The following SYNJ1 variants were observed in gnomAD, a reference collection of about 807,000 sequenced individuals.
SYNJ1 encodes the protein polyphosphatidylinositol phosphatase SYNJ1.
In SYNJ1, 78 loss-of-function variants were observed where a neutral mutation model predicts 168.2. That is an observed-to-expected ratio of 0.46 (90% CI 0.39 to 0.56). The LOEUF is 0.56. Among genes scored for constraint, SYNJ1 ranks in the 20% least tolerant of loss-of-function variants. The probability of loss-of-function intolerance (pLI) is 0.00; values close to 1 mark genes in which losing one functional copy is unlikely to be tolerated. For synonymous variants in SYNJ1, 539 were observed against 548.6 expected (o/e 0.98, Z 0.24); for missense variants, 1,303 against 1,597.6 (o/e 0.82, Z 3.14).
At chr21:32,727,308 C>T (rs367897607) in intron 1 of SYNJ1, among the ~76,000 whole-genome samples, 46 of 152,258 alleles carry the variant, frequency 3.0e-4, no homozygotes, top group African/African-American at 1.1e-3. Flanking sequence ...AAACTTCAAG[C>T]AGTTCCTTCG....
chr21:32,720,240 T>C (rs1042924594), intron 2 of SYNJ1, among the ~76,000 whole-genome samples: 11 of 152,010 alleles, frequency 7.2e-5, no homozygotes, highest in Non-Finnish European at 1.5e-4. Context: ...ACTCTCCCTC[T>C]CAAAAACAAA....
chr21:32,643,012 G>A (rs941186235), intron 27 of SYNJ1, among the ~76,000 whole-genome samples: 6 of 151,978 alleles, frequency 3.9e-5, no homozygotes, highest in African/African-American at 9.7e-5. Context: ...TATATTCTTG[G>A]ATCTGAATTA....
intron 31 of SYNJ1, among the ~76,000 whole-genome samples, chr21:32,636,719 G>A (rs1026196083): frequency 6.6e-5 from 10 of 151,828 alleles, no homozygotes; most frequent in Non-Finnish European, 1.5e-4. Context: ...CCCCAGCATT[G>A]GGCATTCCCT....
At chr21:32,690,169 C>G (rs998051433) in intron 6 of SYNJ1, among the ~76,000 whole-genome samples, 1 of 152,206 alleles carries the variant, frequency 6.6e-6, no homozygotes, top group African/African-American at 2.4e-5. Context: ...CTATGTATCA[C>G]AGCTCTCATA....
intron 2 of SYNJ1, among the ~76,000 whole-genome samples, chr21:32,708,416 G>C (rs553668945): frequency 3.3e-5 from 5 of 152,258 alleles, no homozygotes; most frequent in East Asian, 1.9e-4. Context: ...TCCTATTCAT[G>C]GTGGTTATTA....
At chr21:32,672,529 G>A (rs1346630689) in intron 14 of SYNJ1, among the ~76,000 whole-genome samples, 2 of 151,722 alleles carry the variant, frequency 1.3e-5, no homozygotes, top group Admixed American at 6.6e-5. Context: ...TAGTAGAGAC[G>A]GAGTTTCACC....
intron 13 of SYNJ1, among the ~76,000 whole-genome samples, chr21:32,674,226 CA>C (rs1221513412): frequency 1.3e-5 from 2 of 152,210 alleles, no homozygotes; most frequent in East Asian, 3.9e-4. Flanking sequence ...GTTTCAAAAA[CA>C]TATGAGGCCT....
At position 32,654,522 on chromosome 21, in the gene SYNJ1, C is replaced by T. The variant is rs181179930; in HGVS notation, c.2796-1156G>A. On this transcript the variant is annotated intron_variant, in intron 21 of 32. Coordinates refer to ENST00000674351, the MANE Select transcript of SYNJ1 (RefSeq NM_203446.3). ...GGTTATAATCACCACTGTAAGCATA[C>T]ATTTATGCTGCACCAGTCCCCTAAG... Among the ~76,000 whole-genome samples the T allele has an allele frequency of 7.6e-4, 116 of 152,288 alleles. 1 individual carries two copies. The highest frequency in any genetic ancestry group is 2.1e-4 in the South Asian group (1 of 4,826).
chr21:32,686,068 T>A (rs1032666444), intron 8 of SYNJ1, 151 bp from the exon 9 acceptor site: 13 of 699,762 alleles, frequency 1.9e-5, no homozygotes, highest in Non-Finnish European at 2.7e-5. Context: ...ACAATTAACA[T>A]CAGTGTACTT....
rs546393135 is a variant in SYNJ1 at position 32,658,806 on chromosome 21, C to T, written c.2305-934G>A. 8.1e-4 allele frequency among the ~76,000 whole-genome samples: 124 copies of T among 152,306 alleles called. 3 individuals are homozygous for T. The South Asian group carries it at 0.023, about 28-fold the overall frequency. On this transcript the variant is annotated intron_variant, in intron 18 of 32. Coordinates refer to ENST00000674351, the MANE Select transcript of SYNJ1 (RefSeq NM_203446.3). ...TGGGTCAAGTGAGCAGAGTTCGCCC[C>T]GCCAGTGCCCATGCACTCCAGTTCC... is the stretch of plus-strand genomic sequence containing the variant.
chr21:32,633,487 G>A (rs2039432174), intron 32 of SYNJ1, among the ~76,000 whole-genome samples: 1 of 152,106 alleles, frequency 6.6e-6, no homozygotes, highest in South Asian at 2.1e-4. Context: ...TAGATGACTT[G>A]GACACTTATG....
intron 10 of SYNJ1, among the ~76,000 whole-genome samples, chr21:32,682,080 G>A (rs1013391707): frequency 3.9e-5 from 6 of 152,068 alleles, no homozygotes; most frequent in African/African-American, 1.4e-4. Flanking sequence ...ATGAAAAAAA[G>A]GAGTTGCTCT....
chr21:32,694,164 C>A, intron 6 of SYNJ1, 64 bp downstream of exon 6: 1 of 1,176,354 alleles, frequency 8.5e-7, no homozygotes, highest in African/African-American at 1.6e-5. Context: ...ATAAACTATC[C>A]AGAAAGTTTA....
intron 2 of SYNJ1, among the ~76,000 whole-genome samples, chr21:32,702,498 T>G (rs1291337457): frequency 6.6e-6 from 1 of 152,172 alleles, no homozygotes. Context: ...CAGAATAATT[T>G]TCCTAAGACA....
At chr21:32,682,058 A>C (rs910687836) in intron 10 of SYNJ1, among the ~76,000 whole-genome samples, 4 of 152,174 alleles carry the variant, frequency 2.6e-5, no homozygotes, top group African/African-American at 9.7e-5. Flanking sequence ...TTAAGTAATT[A>C]AGGTAAAAAA....
rs1367240826 is a variant in SYNJ1 at position 32,634,899 on chromosome 21, A to G, written c.3916-15T>C. On this transcript the variant is annotated splice_polypyrimidine_tract_variant and intron_variant, in intron 31 of 32. Transcript: ENST00000674351. ...GGTTGCTCCTGCTTTGAGAAAGGAAACAGACATCAAAGGAAAGAGTTAGGA... is the reference window on the plus strand; with the variant it reads ...GGTTGCTCCTGCTTTGAGAAAGGAAGCAGACATCAAAGGAAAGAGTTAGGA... The G allele has an allele frequency of 1.2e-6, 2 of 1,613,748 alleles. No individual in the cohort carries two copies. The highest frequency in any genetic ancestry group is 8.5e-7 in the Non-Finnish European group (1 of 1,179,866).
intron 30 of SYNJ1, among the ~76,000 whole-genome samples, chr21:32,639,423 G>A (rs1282282573): frequency 6.6e-6 from 1 of 152,044 alleles, no homozygotes; most frequent in Non-Finnish European, 1.5e-5. Flanking sequence ...ACAGGGTCTT[G>A]TTCTTTTGCC....
At chr21:32,662,731 G>A (rs757749795) in intron 18 of SYNJ1, among the ~76,000 whole-genome samples, 8 of 152,186 alleles carry the variant, frequency 5.3e-5, no homozygotes, top group Non-Finnish European at 8.8e-5. Flanking sequence ...TTAGGACTGT[G>A]TGGAAATCAA....
chr21:32,674,903 T>C (rs1454204145), intron 13 of SYNJ1, among the ~76,000 whole-genome samples: 3 of 152,204 alleles, frequency 2.0e-5, no homozygotes, highest in Non-Finnish European at 1.5e-5. Context: ...CTTGTAAAGA[T>C]AATTTTGACC....
Sources: allele counts gnomAD v4.1 joint callset (sites outside exome capture counted in the v4.1 genomes callset), GRCh38; gene constraint gnomAD v4.1.1; transcripts MANE v1.5; gene names NCBI Gene and HGNC (gene_info 2026-07-23, HGNC 2026-07-21).